The following PAK5 variants were observed in gnomAD, a reference collection of about 807,000 sequenced individuals.
The protein encoded by PAK5 is p21 (RAC1) activated kinase 5.
A neutral mutation model predicts 65.9 loss-of-function variants in PAK5; 16 were observed. That is an observed-to-expected ratio of 0.24 (90% CI 0.16 to 0.37). The LOEUF (loss-of-function observed/expected upper bound fraction) is 0.37. Ranked by LOEUF, PAK5 falls within the 10% of genes least tolerant of loss-of-function variation. The pLI is 1.00. For synonymous variants in PAK5, 371 were observed against 354.9 expected (o/e 1.05, Z -0.51); for missense variants, 785 against 903.9 (o/e 0.87, Z 1.69).
intron 1 of PAK5, among the ~76,000 whole-genome samples, chr20:9,810,529 C>G (rs188097859): frequency 1.3e-5 from 2 of 152,258 alleles, no homozygotes; most frequent in South Asian, 2.1e-4. Context: ...CTGGGTGACA[C>G]AGCAAGACCC....
chr20:9,809,875 C>G (rs929354298), intron 1 of PAK5, among the ~76,000 whole-genome samples: 2 of 152,136 alleles, frequency 1.3e-5, no homozygotes, highest in Non-Finnish European at 2.9e-5. Flanking sequence ...CTGAGGAAGC[C>G]TCTCCATTCT....
intron 7 of PAK5, among the ~76,000 whole-genome samples, chr20:9,551,140 TA>T (rs1328607159): frequency 6.6e-6 from 1 of 152,184 alleles, no homozygotes; most frequent in African/African-American, 2.4e-5. Context: ...TAAAAGAACA[TA>T]ATTGCACACA....
intron 1 of PAK5, among the ~76,000 whole-genome samples, chr20:9,806,142 T>TTAC (rs1350447241): frequency 2.6e-5 from 4 of 151,822 alleles, no homozygotes; most frequent in African/African-American, 9.7e-5. Context: ...TTTTATTTAT[T>TTAC]TATTTATTTA....
chr20:9,699,553 G>GTTTT (rs34450464), intron 2 of PAK5, among the ~76,000 whole-genome samples: 1 of 138,796 alleles, frequency 7.2e-6, no homozygotes. Context: ...TTTGCTTCTT[G>GTTTT]TTTTTTTTTT....
intron 3 of PAK5, among the ~76,000 whole-genome samples, chr20:9,629,183 G>A (rs2046889063): frequency 6.6e-6 from 1 of 152,162 alleles, no homozygotes; most frequent in Admixed American, 6.5e-5. Context: ...TGAGACCTGA[G>A]GAGTCAGTGA....
chr20:9,572,461 A>C (rs924319360), intron 4 of PAK5, among the ~76,000 whole-genome samples: 2 of 152,246 alleles, frequency 1.3e-5, no homozygotes, highest in African/African-American at 4.8e-5. Flanking sequence ...TGTGCAAAGC[A>C]GTCCAGCTTA....
intron 1 of PAK5, among the ~76,000 whole-genome samples, chr20:9,819,305 A>G (rs1050258837): frequency 2.6e-5 from 4 of 152,242 alleles, no homozygotes; most frequent in African/African-American, 9.6e-5. Context: ...AAATAGAAGC[A>G]GCAGTACAAT....
At chr20:9,831,340 TGC>T (rs1323820816) in intron 1 of PAK5, among the ~76,000 whole-genome samples, 3 of 152,368 alleles carry the variant, frequency 2.0e-5, no homozygotes, top group African/African-American at 7.2e-5. Flanking sequence ...TTCTTTCATT[TGC>T]ATGCAATCTA....
intron 1 of PAK5, among the ~76,000 whole-genome samples, chr20:9,800,899 A>G (rs1332916821): frequency 6.6e-6 from 1 of 151,982 alleles, no homozygotes; most frequent in Non-Finnish European, 1.5e-5. Context: ...GAGAGCTAAG[A>G]TGCCACAGAC....
chr20:9,537,506 C>T lies in PAK5; in HGVS notation c.*1956G>A, dbSNP rs1025009985. Reference sequence around the variant, plus strand: ...ACTCAATGAATACTTTAAAAAATACCCGATGGTAAGAAAATTACAGAAAAA... The same window carrying T: ...ACTCAATGAATACTTTAAAAAATACTCGATGGTAAGAAAATTACAGAAAAA... On this transcript the variant is annotated 3_prime_UTR_variant, in exon 10 of 10. Coordinates refer to ENST00000353224, the MANE Select transcript of PAK5 (RefSeq NM_177990.4). 4 of 210,984 alleles carry T rather than the reference C, an allele frequency of 1.9e-5. No homozygotes were observed. The highest frequency in any genetic ancestry group is 9.1e-5 in the African/African-American group (4 of 44,014). The allele number at this position is 210,984 out of a possible 1,614,324, so 13.1% of individuals were successfully genotyped here.
At chr20:9,828,000 G>T (rs1473820644) in intron 1 of PAK5, among the ~76,000 whole-genome samples, 1 of 151,864 alleles carries the variant, frequency 6.6e-6, no homozygotes, top group Non-Finnish European at 1.5e-5. Flanking sequence ...CCCAGCTAAT[G>T]TTTTTTTGTA....
At chr20:9,803,183 T>C (rs2123740156) in intron 1 of PAK5, among the ~76,000 whole-genome samples, 1 of 151,922 alleles carries the variant, frequency 6.6e-6, no homozygotes, top group South Asian at 2.1e-4. Context: ...ACACGGCTAG[T>C]GTTATGAAAG....
rs747450774 is a variant in PAK5, at chr20:9,580,229, A to C, written c.906T>G (p.Ser302Arg). 5 of 1,614,106 alleles carry C rather than the reference A, an allele frequency of 3.1e-6. No homozygotes were observed. Among genetic ancestry groups the C allele is most frequent in the South Asian group, 1.1e-5 (1 of 91,078 alleles). The change falls in exon 4 of 10, where the codon AGT (serine) becomes AGG (arginine). Residue 302 changes from serine (S) to arginine (R), a missense_variant. Physicochemically the swap from Ser to Arg is moderately radical, Grantham distance 110 (BLOSUM62 -1). Coordinates refer to ENST00000353224, the MANE Select transcript of PAK5 (RefSeq NM_177990.4). ...GTCCTTGGGGATGGGTTTTAAATGC[A>C]CTTGCTCCAAATGGCATCATCGGTT... Reference protein sequence around the residue: ...LQEPMMPFGASAFKTHPQGHS... With the variant: ...LQEPMMPFGARAFKTHPQGHS...
chr20:9,598,457 TC>T (rs1283802695), intron 3 of PAK5, among the ~76,000 whole-genome samples: 13 of 152,232 alleles, frequency 8.5e-5, no homozygotes, highest in African/African-American at 3.1e-4. Context: ...TGATTAATGT[TC>T]CTTTGGGTAT....
At chr20:9,651,108 C>T (rs892103506) in intron 2 of PAK5, among the ~76,000 whole-genome samples, 3 of 152,164 alleles carry the variant, frequency 2.0e-5, no homozygotes, top group Non-Finnish European at 1.5e-5. Flanking sequence ...AGCAGGGACC[C>T]GGACTTCCTG....
chr20:9,640,386 T>C (rs1188136680), intron 3 of PAK5, among the ~76,000 whole-genome samples: 10 of 152,090 alleles, frequency 6.6e-5, no homozygotes, highest in Non-Finnish European at 8.8e-5. Context: ...ACAAAGGACA[T>C]GAACTCATCA....
chr20:9,741,605 T>G (rs1319716742), intron 1 of PAK5, among the ~76,000 whole-genome samples: 1 of 152,128 alleles, frequency 6.6e-6, no homozygotes, highest in Non-Finnish European at 1.5e-5. Flanking sequence ...AATTAAAGAT[T>G]AATACCTGTC....
intron 2 of PAK5, among the ~76,000 whole-genome samples, chr20:9,689,027 A>G (rs1180154428): frequency 6.6e-6 from 1 of 152,212 alleles, no homozygotes; most frequent in Admixed American, 6.5e-5. Flanking sequence ...AAATAGTCCC[A>G]TCACAATAAC....
chr20:9,796,623 C>G (rs552764313), intron 1 of PAK5, among the ~76,000 whole-genome samples: 3 of 151,988 alleles, frequency 2.0e-5, no homozygotes, highest in Non-Finnish European at 2.9e-5. Context: ...ACTCTTACTG[C>G]TGCAGGAAAA....
Sources: allele counts gnomAD v4.1 joint callset (sites outside exome capture counted in the v4.1 genomes callset), GRCh38; gene constraint gnomAD v4.1.1; transcripts MANE v1.5; gene names NCBI Gene and HGNC (gene_info 2026-07-23, HGNC 2026-07-21).